The following PLCB2 variants were observed in gnomAD, a reference collection of about 807,000 sequenced individuals.
PLCB2 encodes the protein phospholipase C beta 2, also known as 1-phosphatidylinositol 4,5-bisphosphate phosphodiesterase beta-2.
A neutral mutation model predicts 141.7 loss-of-function variants in PLCB2; 115 were observed. That is an observed-to-expected ratio of 0.81 (90% CI 0.70 to 0.95). The LOEUF (loss-of-function observed/expected upper bound fraction) is 0.95, where lower values mean the gene tolerates loss of function less well. PLCB2 is among the 40% of genes least tolerant of loss of function. PLCB2 has a pLI of 0.00. For synonymous variants in PLCB2, 603 were observed against 595.6 expected (o/e 1.01, Z -0.18); for missense variants, 1,403 against 1,541.1 (o/e 0.91, Z 1.50).
intron 19 of PLCB2, 128 bp downstream of exon 19, chr15:40,294,138 G>A (rs2040075753): frequency 4.4e-6 from 4 of 908,730 alleles, no homozygotes; most frequent in Non-Finnish European, 6.8e-6. Flanking sequence ...GCTACTGCAG[G>A]AACTGGCTGG....
chr15:40,296,980 C>A, intron 13 of PLCB2, 72 bp from the exon 14 acceptor site: 7 of 1,514,928 alleles, frequency 4.6e-6, no homozygotes, highest in Non-Finnish European at 6.4e-6. Context: ...TATTACCAGG[C>A]ATGCTCCCTC....
chr15:40,300,957 G>A (rs1337505154), intron 7 of PLCB2: 3 of 152,824 alleles, frequency 2.0e-5, no homozygotes, highest in Non-Finnish European at 2.9e-5. Context: ...CACAAGGAAA[G>A]CAGATAGATA....
In PLCB2 at chr15:40,292,376, G is replaced by T. The variant is rs745776487; in HGVS notation, c.2394C>A (p.Phe798Leu). ...MPLTMPALFI[F>L]LEMKDYIPGA... ...CAGGTATGTAGTCCTTCATCTCCAG[G>T]AAGATGAAGAGCGCAGGCATGGTGA... The change falls in exon 22 of 32, where the codon TTC becomes TTA. Residue 798 changes from phenylalanine to leucine, a missense_variant. Coordinates refer to ENST00000260402, the MANE Select transcript of PLCB2 (RefSeq NM_004573.3). 1 of 1,613,800 alleles carries T rather than the reference G, an allele frequency of 6.2e-7. No individual in the cohort carries two copies. Among genetic ancestry groups the T allele is most frequent in the East Asian group, 2.2e-5 (1 of 44,868 alleles).
Position 40,292,266 on chromosome 15 carries a change from TC to T in PLCB2, c.2431+72del, listed in dbSNP as rs2039980611. 4 of 1,508,706 alleles carry T rather than the reference TC, an allele frequency of 2.7e-6. No individual in the cohort carries two copies. The Admixed American group carries it at 6.8e-5, about 26-fold the overall frequency. 93.5% of individuals were successfully genotyped at this position (1,508,706 alleles called of 1,614,324 possible). On this transcript the variant is annotated intron_variant, in intron 22 of 31. Transcript: ENST00000260402. Reference sequence around the variant, plus strand: ...TGCCCCATCTGGATCCCACCCCAACTCTGGAAGCTGGCTTGATGGGAAGGAA... The same window carrying T: ...TGCCCCATCTGGATCCCACCCCAACTTGGAAGCTGGCTTGATGGGAAGGAA...
chr15:40,297,466 C>A lies in PLCB2; in HGVS notation c.1323+55G>T, dbSNP rs755964508. 6.2e-5 allele frequency: 85 copies of A among 1,365,228 alleles called. No individual in the cohort carries two copies. The highest frequency in any genetic ancestry group is 8.3e-5 in the Non-Finnish European group (79 of 952,792). The allele number at this position is 1,365,228 out of a possible 1,614,324, so 84.6% of individuals were successfully genotyped here. A position where few individuals can be genotyped will look rare whatever the true frequency, so the allele number is the denominator to read the frequency against. On this transcript the variant is annotated intron_variant, in intron 13 of 31. Coordinates refer to ENST00000260402, the MANE Select transcript of PLCB2 (RefSeq NM_004573.3). The surrounding 1 kb of genome is among the most constrained non-coding windows in gnomAD (Gnocchi z 4.2). Reference sequence around the variant, plus strand: ...CTCCCTCCCTAACCTGGTTCTCACCCTGCCCCAGGTTCCCAGGCCCAAGGC... The same window carrying A: ...CTCCCTCCCTAACCTGGTTCTCACCATGCCCCAGGTTCCCAGGCCCAAGGC...
chr15:40,293,346 C>G (rs2040032461), intron 20 of PLCB2, among the ~76,000 whole-genome samples: 1 of 151,962 alleles, frequency 6.6e-6, no homozygotes, highest in South Asian at 2.1e-4. Flanking sequence ...CCTGAGTGCA[C>G]ATTTCTGCCT....
At chr15:40,301,482 A>G in intron 7 of PLCB2, 3 of 696,748 alleles carry the variant, frequency 4.3e-6, no homozygotes, top group Non-Finnish European at 7.9e-6. Context: ...GCTTTTCTGT[A>G]CAGAGCAGAA....
downstream of PLCB2, chr15:40,284,346 G>A (rs958012660): frequency 2.9e-6 from 1 of 343,600 alleles, no homozygotes; most frequent in Non-Finnish European, 5.8e-6. Context: ...TCGGTTCTGG[G>A]TGCGAGACGT....
Position 40,297,625 on chromosome 15 carries a change from G to A in PLCB2, c.1239-20C>T, listed in dbSNP as rs1330273169. 5 of 1,602,816 alleles carry A rather than the reference G, an allele frequency of 3.1e-6. No individual in the cohort carries two copies. The East Asian group carries it at 8.9e-5, about 29-fold the overall frequency. ...CGGGGTCTGCGGGGAGCAAAAGCGG[G>A]GATGGGGTTCAGCCGCTCAGCACCA... On this transcript the variant is annotated intron_variant, in intron 12 of 31. Coordinates refer to ENST00000260402, the MANE Select transcript of PLCB2 (RefSeq NM_004573.3). The surrounding 1 kb of genome is among the most constrained non-coding windows in gnomAD (Gnocchi z 4.2).
chr15:40,292,286 G>A, intron 22 of PLCB2, 53 bp downstream of exon 22: 1 of 1,522,172 alleles, frequency 6.6e-7, no homozygotes, highest in Non-Finnish European at 9.1e-7. Flanking sequence ...GGCTTGATGG[G>A]AAGGAAGGGG....
At position 40,307,746 on chromosome 15, in the gene PLCB2, G is replaced by A; in HGVS notation, c.-74C>T. On this transcript the variant is annotated 5_prime_UTR_variant, in exon 1 of 32. Coordinates refer to ENST00000260402, the MANE Select transcript of PLCB2 (RefSeq NM_004573.3). ...GAAGGGCAGGAAGGAGGCCAGCCAG[G>A]AGGGGGAGCCAAGCTGGGCTCAAAT... 1.5e-6 allele frequency: 2 copies of A among 1,306,208 alleles called. No individual in the cohort carries two copies. The highest frequency in any genetic ancestry group is 2.1e-6 in the Non-Finnish European group (2 of 950,538). 80.9% of individuals were successfully genotyped at this position (1,306,208 alleles called of 1,614,324 possible).
Position 40,304,018 on chromosome 15 carries a change from A to G in PLCB2, c.145T>C (p.Trp49Arg), listed in dbSNP as rs2040665073. 1 of 1,594,332 alleles carries G rather than the reference A, an allele frequency of 6.3e-7. No individual in the cohort carries two copies. The highest frequency in any genetic ancestry group is 8.5e-7 in the Non-Finnish European group (1 of 1,169,904). ...RVDPKGYYLYWTYQSKEMEFL... is the reference protein window; with the variant it reads ...RVDPKGYYLYRTYQSKEMEFL... ...TTTCTCACCTTACTTTGATACGTCC[A>G]GTATAAGTAGTAGCCCTTAGGATCC... The change falls in exon 2 of 32, where the codon TGG becomes CGG. Residue 49 changes from tryptophan to arginine, a missense_variant. Physicochemically the swap from Trp to Arg is moderately radical, Grantham distance 101. Around this residue, in one of 4 missense-constraint regions of PLCB2, gnomAD observed 975 missense variants for 1,141.1 expected, o/e 0.85. Transcript: ENST00000260402.
chr15:40,303,512 A>G (rs891408002), intron 2 of PLCB2, among the ~76,000 whole-genome samples, 156 bp from the exon 3 acceptor site: 2 of 151,972 alleles, frequency 1.3e-5, no homozygotes, highest in African/African-American at 4.8e-5. Flanking sequence ...GGCCAGCTGG[A>G]CCCAAACTTC....
chr15:40,292,773 C>G (rs1362170030), intron 21 of PLCB2, among the ~76,000 whole-genome samples, 153 bp downstream of exon 21: 1 of 152,156 alleles, frequency 6.6e-6, no homozygotes, highest in Non-Finnish European at 1.5e-5. Context: ...TCCCGCCTCT[C>G]TTAGGTTCCT....
At chr15:40,290,489 G>T in intron 29 of PLCB2, 88 bp downstream of exon 29, 1 of 950,146 alleles carries the variant, frequency 1.1e-6, no homozygotes, top group Non-Finnish European at 1.7e-6. Flanking sequence ...TGCATCTTTG[G>T]GAAGTGAGTC....
At chr15:40,289,948 AGAGAGAGAGAGAGAGAGAGAGTGT>A (rs1211754207) in intron 30 of PLCB2, 53 bp downstream of exon 30, 87 of 339,656 alleles carry the variant, frequency 2.6e-4, no homozygotes, top group African/African-American at 8.8e-4. Context: ...AGAGAGAGAG[AGAGAGAGAGAGAGAGAGAGAGTGT>A]GTGTGTGTGT....
chr15:40,301,521 G>T (rs2040505198), intron 7 of PLCB2: 1 of 702,914 alleles, frequency 1.4e-6, no homozygotes, highest in Non-Finnish European at 2.6e-6. Flanking sequence ...TCCGCCTTTG[G>T]TTCAGTTCCT....
chr15:40,304,163 T>C (rs1566892249), intron 1 of PLCB2, 85 bp from the exon 2 acceptor site: 1 of 892,500 alleles, frequency 1.1e-6, no homozygotes. Flanking sequence ...GAGCTCATTA[T>C]CTTCCCAGGA....
intron 16 of PLCB2, 47 bp downstream of exon 16, chr15:40,296,249 G>T (rs766740248): frequency 3.2e-5 from 45 of 1,390,512 alleles, no homozygotes; most frequent in Non-Finnish European, 4.6e-5. Flanking sequence ...GGAAGGGGGA[G>T]ATCCCCCTTC....
Sources: allele counts gnomAD v4.1 joint callset (sites outside exome capture counted in the v4.1 genomes callset), GRCh38; gene constraint gnomAD v4.1.1; regional missense constraint gnomAD v4.1.1; non-coding constraint Gnocchi (gnomAD v3.1); transcripts MANE v1.5; gene names NCBI Gene and HGNC (gene_info 2026-07-23, HGNC 2026-07-21).